EYA1: variants seen among roughly 807,000 people sequenced by gnomAD.
EYA1 encodes EYA transcriptional coactivator and phosphatase 1, also known as protein phosphatase EYA1.
In EYA1, 16 loss-of-function variants were observed where a neutral mutation model predicts 82.0. The ratio of observed to expected loss-of-function variants is 0.20; its 90% CI spans 0.13 to 0.30. The LOEUF (loss-of-function observed/expected upper bound fraction) is 0.30, where lower values mean the gene tolerates loss of function less well. Ranked by LOEUF, EYA1 falls within the 10% of genes least tolerant of loss-of-function variation. The probability of loss-of-function intolerance (pLI) is 1.00; values close to 1 mark genes in which losing one functional copy is unlikely to be tolerated. For missense variants in EYA1, 633 were observed against 730.7 expected (o/e 0.87, Z 1.54); for synonymous variants, 261 against 264.4 (o/e 0.99, Z 0.12).
intron 2 of EYA1, among the ~76,000 whole-genome samples, chr8:71,418,845 A>C (rs1830996002): frequency 1.3e-5 from 2 of 152,142 alleles, no homozygotes; most frequent in Admixed American, 6.5e-5. Context: ...TACACAGAGC[A>C]CTCAGAGGAG....
At chr8:71,529,386 A>G (rs1387437197) in intron 2 of EYA1, 2 of 152,240 alleles carry the variant, frequency 1.3e-5, no homozygotes, top group African/African-American at 4.8e-5. Flanking sequence ...TAGTTGTTAA[A>G]AAGCCTTAAG....
At chr8:71,471,659 T>A (rs1350748047) in intron 2 of EYA1, among the ~76,000 whole-genome samples, 1 of 152,116 alleles carries the variant, frequency 6.6e-6, no homozygotes, top group Non-Finnish European at 1.5e-5. Flanking sequence ...TCAAATTATT[T>A]GATTATGAGC....
intron 2 of EYA1, among the ~76,000 whole-genome samples, chr8:71,446,516 C>T (rs1563621630): frequency 6.6e-6 from 1 of 152,126 alleles, no homozygotes; most frequent in East Asian, 1.9e-4. Flanking sequence ...CATAGCAGTG[C>T]GAAAATGGAC....
intron 9 of EYA1, among the ~76,000 whole-genome samples, chr8:71,294,013 A>G (rs1819302941): frequency 6.7e-6 from 1 of 149,786 alleles, no homozygotes; most frequent in African/African-American, 2.4e-5. Context: ...ATGATTGTCT[A>G]TGTAGAAAAT....
chr8:71,391,746 T>C (rs1276291677), intron 2 of EYA1, among the ~76,000 whole-genome samples: 1 of 152,196 alleles, frequency 6.6e-6, no homozygotes, highest in East Asian at 1.9e-4. Context: ...GTGTGAACCA[T>C]TCAGAGGTTA....
At chr8:71,341,770 TG>T (rs1450070654) in intron 3 of EYA1, among the ~76,000 whole-genome samples, 6 of 152,196 alleles carry the variant, frequency 3.9e-5, no homozygotes, top group Admixed American at 6.5e-5. Flanking sequence ...AGCTCTTCAA[TG>T]GTACACCTGG....
intron 3 of EYA1, among the ~76,000 whole-genome samples, chr8:71,335,546 G>A (rs1351147470): frequency 6.6e-6 from 1 of 152,160 alleles, no homozygotes; most frequent in Non-Finnish European, 1.5e-5. Flanking sequence ...CCAAACAATG[G>A]TGTAACTGAA....
chr8:71,289,487 C>T (rs1818762750), intron 9 of EYA1, among the ~76,000 whole-genome samples: 1 of 152,194 alleles, frequency 6.6e-6, no homozygotes, highest in Non-Finnish European at 1.5e-5. Context: ...AAGATGTTTA[C>T]TACGCAGCTA....
chr8:71,542,988 T>C (rs1815267056), intron 1 of EYA1, among the ~76,000 whole-genome samples: 1 of 152,180 alleles, frequency 6.6e-6, no homozygotes, highest in Admixed American at 6.5e-5. Context: ...AGACATTTTT[T>C]TCCCATTCTG....
intron 2 of EYA1, among the ~76,000 whole-genome samples, chr8:71,355,618 A>C (rs918038311): frequency 6.6e-6 from 1 of 152,222 alleles, no homozygotes; most frequent in Admixed American, 6.5e-5. Flanking sequence ...AGGCCAACAT[A>C]CAGTGGGTCC....
intron 2 of EYA1, among the ~76,000 whole-genome samples, chr8:71,514,662 T>C (rs537958385): frequency 2.0e-5 from 3 of 152,234 alleles, no homozygotes; most frequent in Non-Finnish European, 2.9e-5. Context: ...GTAAGACTTA[T>C]TCACTATCAC....
chr8:71,422,963 A>G (rs963200324), intron 2 of EYA1, among the ~76,000 whole-genome samples: 16 of 152,172 alleles, frequency 1.1e-4, no homozygotes, highest in African/African-American at 3.9e-4. Flanking sequence ...AAAAATGATT[A>G]TTCTCGTTTT....
chr8:71,444,930 T>A (rs552627693), intron 2 of EYA1, among the ~76,000 whole-genome samples: 25 of 152,252 alleles, frequency 1.6e-4, no homozygotes, highest in Admixed American at 2.6e-4. Flanking sequence ...AAATGTAATA[T>A]TTTTTTCCAA....
At chr8:71,314,079 G>C (rs1821642673) in intron 7 of EYA1, among the ~76,000 whole-genome samples, 1 of 152,028 alleles carries the variant, frequency 6.6e-6, no homozygotes, top group Non-Finnish European at 1.5e-5. Flanking sequence ...TCTCATCCAG[G>C]ATTCAAATAC....
chr8:71,226,198 A>G (rs1810532391), intron 12 of EYA1, among the ~76,000 whole-genome samples: 1 of 150,490 alleles, frequency 6.6e-6, no homozygotes, highest in Admixed American at 6.6e-5. Context: ...AGATTGCATG[A>G]ACACATGTTT....
rs747501835 is a variant in EYA1 at position 71,271,803 on chromosome 8, G to A, written c.921C>T (p.Gly307=). Residue 307 remains glycine, a synonymous_variant, in exon 10 of 18, where the codon GGC becomes GGT. Transcript: ENST00000340726. ...GAGGTGAAGGATTATTGTTTCTTCG[G>A]CCCCGTCCACGTGATTTCCCATCTG... is the stretch of plus-strand genomic sequence containing the variant. ...RGSDGKSRGR[G]RRNNNPSPPP... is the part of the protein sequence containing the mutation. 6.2e-7 allele frequency: 1 copy of A among 1,614,104 alleles called. No homozygotes were observed. The highest frequency in any genetic ancestry group is 8.5e-7 in the Non-Finnish European group (1 of 1,180,016).
chr8:71,468,682 C>A (rs1205759989), intron 2 of EYA1, among the ~76,000 whole-genome samples: 1 of 152,056 alleles, frequency 6.6e-6, no homozygotes, highest in African/African-American at 2.4e-5. Context: ...GTTTTCCCTG[C>A]CTATTCTTCC....
intron 17 of EYA1, among the ~76,000 whole-genome samples, chr8:71,204,868 A>G (rs1260583343): frequency 6.6e-6 from 1 of 152,204 alleles, no homozygotes; most frequent in Non-Finnish European, 1.5e-5. Flanking sequence ...CCCTCTAGAC[A>G]TAAGTATGCT....
intron 3 of EYA1, among the ~76,000 whole-genome samples, chr8:71,348,964 T>C (rs1483463814): frequency 6.6e-6 from 1 of 152,188 alleles, no homozygotes; most frequent in Admixed American, 6.5e-5. Context: ...CTGCAACCAG[T>C]TTTTAAATTT....
Sources: allele counts gnomAD v4.1 joint callset (sites outside exome capture counted in the v4.1 genomes callset), GRCh38; gene constraint gnomAD v4.1.1; transcripts MANE v1.5; gene names NCBI Gene and HGNC (gene_info 2026-07-23, HGNC 2026-07-21).